Variants in ANKRD33B observed in about 807,000 individuals in gnomAD.
ANKRD33B encodes ankyrin repeat domain 33B.
A neutral mutation model predicts 21.5 loss-of-function variants in ANKRD33B; 6 were observed. The observed-to-expected ratio is 0.28, with a 90% CI of 0.15 to 0.55. The LOEUF (loss-of-function observed/expected upper bound fraction) is 0.55. Among genes scored for constraint, ANKRD33B ranks in the 20% least tolerant of loss-of-function variants. The pLI is 0.94. For missense variants in ANKRD33B, 698 were observed against 747.2 expected (o/e 0.93, Z 0.77); for synonymous variants, 347 against 342.4 (o/e 1.01, Z -0.15).
At chr5:10,568,439 A>T (rs1057044649) in intron 1 of ANKRD33B, among the ~76,000 whole-genome samples, 1 of 152,272 alleles carries the variant, frequency 6.6e-6, no homozygotes, top group Non-Finnish European at 1.5e-5. Flanking sequence ...GCAGAAGGGC[A>T]GTTTAAATGT....
At chr5:10,640,042 GA>G (rs1737002072) in intron 3 of ANKRD33B, among the ~76,000 whole-genome samples, 1 of 91,536 alleles carries the variant, frequency 1.1e-5, no homozygotes, top group African/African-American at 3.8e-5. Context: ...GGGTGACGTG[GA>G]GTTGCACGGT....
chr5:10,626,879 C>T (rs139103662), intron 2 of ANKRD33B, among the ~76,000 whole-genome samples: 5 of 152,302 alleles, frequency 3.3e-5, no homozygotes, highest in African/African-American at 1.2e-4. Flanking sequence ...AGACAGCAGT[C>T]GCACTAAGCA....
At position 10,652,915 on chromosome 5, in the gene ANKRD33B, A is replaced by C. The variant is rs1378735670; in HGVS notation, c.*2802A>C. 9.7e-6 allele frequency: 2 copies of C among 205,780 alleles called. No homozygotes were observed. The highest frequency in any genetic ancestry group is 4.7e-5 in the Admixed American group (1 of 21,060). The allele number at this position is 205,780 out of a possible 1,614,324, so 12.7% of individuals were successfully genotyped here. On this transcript the variant is annotated 3_prime_UTR_variant, in exon 4 of 4. Coordinates refer to ENST00000296657, the MANE Select transcript of ANKRD33B (RefSeq NM_001164440.2). The surrounding 1 kb of genome is among the most constrained non-coding windows in gnomAD (Gnocchi z 4.1). Reference sequence around the variant, plus strand: ...GGGCAGGACACGGATTTCTTTGGCAAATCTGCAGGCGAGCTGACCACTTGC... The same window carrying C: ...GGGCAGGACACGGATTTCTTTGGCACATCTGCAGGCGAGCTGACCACTTGC...
intron 1 of ANKRD33B, among the ~76,000 whole-genome samples, chr5:10,565,393 T>A (rs1400548892): frequency 6.6e-6 from 1 of 152,176 alleles, no homozygotes; most frequent in Non-Finnish European, 1.5e-5. Flanking sequence ...GACAGCTTGG[T>A]CCCCTACCCC....
intron 3 of ANKRD33B, among the ~76,000 whole-genome samples, chr5:10,644,360 A>G (rs747446632): frequency 1.3e-5 from 2 of 152,204 alleles, no homozygotes; most frequent in South Asian, 2.1e-4. Flanking sequence ...TGACAGGTCT[A>G]TTTAAATAGG....
At chr5:10,588,791 C>T (rs1206796389) in intron 1 of ANKRD33B, among the ~76,000 whole-genome samples, 1 of 152,188 alleles carries the variant, frequency 6.6e-6, no homozygotes, top group East Asian at 1.9e-4. Flanking sequence ...GTGGCATGAG[C>T]AGGAAGCAGA....
chr5:10,593,425 G>A (rs1277273787), intron 1 of ANKRD33B, among the ~76,000 whole-genome samples: 1 of 152,000 alleles, frequency 6.6e-6, no homozygotes, highest in East Asian at 1.9e-4. Context: ...TTAGACACTG[G>A]ATATTTGAGT....
chr5:10,570,355 G>A (rs1395248722), intron 1 of ANKRD33B, among the ~76,000 whole-genome samples: 1 of 152,160 alleles, frequency 6.6e-6, no homozygotes, highest in Non-Finnish European at 1.5e-5. Flanking sequence ...GGTCAGCTGC[G>A]AATGGCAAGA....
At chr5:10,591,776 C>G (rs1016836729) in intron 1 of ANKRD33B, among the ~76,000 whole-genome samples, 5 of 150,964 alleles carry the variant, frequency 3.3e-5, no homozygotes, top group Non-Finnish European at 7.4e-5. Context: ...AAATTGTACT[C>G]TTGGTGTATT....
At position 10,657,513 on chromosome 5, in the gene ANKRD33B, A is replaced by G. The variant is rs1011784103; in HGVS notation, c.*7400A>G. On this transcript the variant is annotated 3_prime_UTR_variant, in exon 4 of 4. Transcript: ENST00000296657. Reference sequence around the variant, plus strand: ...GTACAGATATAACTGTGTAAATTTCATAGTGTTTTATTTTGAGGTGAGAGT... The same window carrying G: ...GTACAGATATAACTGTGTAAATTTCGTAGTGTTTTATTTTGAGGTGAGAGT... 1 of 152,298 alleles carries G rather than the reference A, an allele frequency of 6.6e-6. No homozygotes were observed. Among genetic ancestry groups the G allele is most frequent in the African/African-American group, 2.4e-5 (1 of 41,420 alleles). The allele number at this position is 152,298 out of a possible 1,614,324, so 9.4% of individuals were successfully genotyped here.
chr5:10,646,795 C>T (rs1737197407), intron 3 of ANKRD33B, among the ~76,000 whole-genome samples: 1 of 152,226 alleles, frequency 6.6e-6, no homozygotes, highest in Admixed American at 6.5e-5. Flanking sequence ...TACCACTCTT[C>T]TAATATGGCT....
chr5:10,593,020 G>C (rs1579721987), intron 1 of ANKRD33B, among the ~76,000 whole-genome samples: 1 of 152,150 alleles, frequency 6.6e-6, no homozygotes, highest in African/African-American at 2.4e-5. Flanking sequence ...GTTAGGTAAG[G>C]ACCTTCCTAA....
At chr5:10,606,563 G>C (rs1184685368) in intron 1 of ANKRD33B, among the ~76,000 whole-genome samples, 2 of 152,026 alleles carry the variant, frequency 1.3e-5, no homozygotes, top group African/African-American at 4.8e-5. Context: ...GTGAAGCCCT[G>C]TCTCTACTAA....
intron 2 of ANKRD33B, among the ~76,000 whole-genome samples, chr5:10,632,656 C>T (rs991578348): frequency 6.6e-6 from 1 of 152,222 alleles, no homozygotes; most frequent in African/African-American, 2.4e-5. Flanking sequence ...AGCTCCCCAC[C>T]ACTGGGAGAG....
In ANKRD33B at chr5:10,649,746, A is replaced by G. The variant is rs1473337656; in HGVS notation, c.1118A>G (p.Gln373Arg). The G allele has an allele frequency of 4.1e-6, 6 of 1,458,102 alleles. No individual in the cohort carries two copies. In the African/African-American group the frequency reaches 4.4e-5, roughly 11 times the overall value. 90.3% of individuals were successfully genotyped at this position (1,458,102 alleles called of 1,614,324 possible). Residue 373 changes from glutamine to arginine, a missense_variant, in exon 4 of 4, where the codon CAG (glutamine) becomes CGG (arginine). Around this residue, in one of 3 missense-constraint regions of ANKRD33B, gnomAD observed 543 missense variants for 566.5 expected, o/e 0.96. Transcript: ENST00000296657. ...GGAGQRGRTGQEDADSREGSP... is the reference protein window; with the variant it reads ...GGAGQRGRTGREDADSREGSP... The stretch of plus-strand genomic sequence containing the variant: ...GCGGGGCAGCGCGGGCGGACCGGAC[A>G]GGAGGACGCGGACTCCCGGGAGGGC...
chr5:10,589,667 T>G (rs1160500041), intron 1 of ANKRD33B, among the ~76,000 whole-genome samples: 1 of 152,250 alleles, frequency 6.6e-6, no homozygotes, highest in Admixed American at 6.5e-5. Context: ...TGTCTTATCT[T>G]CTTGAGGTCT....
intron 1 of ANKRD33B, among the ~76,000 whole-genome samples, chr5:10,581,177 A>T (rs1428191004): frequency 1.3e-5 from 2 of 152,054 alleles, no homozygotes; most frequent in Non-Finnish European, 2.9e-5. Context: ...TTTCTTCCCC[A>T]TCCCAGCCAC....
chr5:10,644,726 A>T (rs540086452), intron 3 of ANKRD33B, among the ~76,000 whole-genome samples: 22 of 152,362 alleles, frequency 1.4e-4, no homozygotes, highest in Admixed American at 1.1e-3. Flanking sequence ...TAAATTTCCT[A>T]TGAAGTGTGA....
At chr5:10,648,430 T>C (rs1011050419) in intron 3 of ANKRD33B, among the ~76,000 whole-genome samples, 10 of 152,242 alleles carry the variant, frequency 6.6e-5, no homozygotes, top group African/African-American at 2.4e-4. Flanking sequence ...CATCTCTCCA[T>C]TGATGGAAAG....
Sources: allele counts gnomAD v4.1 joint callset (sites outside exome capture counted in the v4.1 genomes callset), GRCh38; gene constraint gnomAD v4.1.1; regional missense constraint gnomAD v4.1.1; non-coding constraint Gnocchi (gnomAD v3.1); transcripts MANE v1.5; gene names NCBI Gene and HGNC (gene_info 2026-07-23, HGNC 2026-07-21).